The following CLSTN1 variants were observed in gnomAD, a reference collection of about 807,000 sequenced individuals.
CLSTN1 encodes the protein calsyntenin 1.
A neutral mutation model predicts 108.3 loss-of-function variants in CLSTN1; 28 were observed. The observed-to-expected ratio is 0.26, with a 90% CI of 0.19 to 0.35. CLSTN1 has a LOEUF of 0.35. Among genes scored for constraint, CLSTN1 ranks in the 10% least tolerant of loss-of-function variants. The pLI is 1.00. For missense variants in CLSTN1, 1,157 were observed against 1,302.6 expected, an observed-to-expected ratio of 0.89 and a Z score of 1.72; for synonymous variants, 524 against 534.9, an observed-to-expected ratio of 0.98 and a Z score of 0.28.
chr1:9,759,159 T>C (rs971516941), intron 2 of CLSTN1, among the ~76,000 whole-genome samples: 13 of 152,168 alleles, frequency 8.5e-5, no homozygotes, highest in African/African-American at 3.1e-4. Flanking sequence ...CAAACTGCCG[T>C]TTCCAGAAAG....
intron 1 of CLSTN1, among the ~76,000 whole-genome samples, chr1:9,781,493 G>T (rs1229241398): frequency 1.3e-5 from 2 of 151,632 alleles, no homozygotes; most frequent in African/African-American, 4.8e-5. Flanking sequence ...ACCCAGGCTG[G>T]AGTGTAGTGG....
chr1:9,758,375 A>G, intron 2 of CLSTN1, among the ~76,000 whole-genome samples: 1 of 151,706 alleles, frequency 6.6e-6, no homozygotes, highest in Non-Finnish European at 1.5e-5. Flanking sequence ...GTACAGTGGT[A>G]GCATCTCAGC....
intron 1 of CLSTN1, among the ~76,000 whole-genome samples, chr1:9,795,124 C>T (rs1254304228): frequency 1.3e-5 from 2 of 150,150 alleles, no homozygotes; most frequent in East Asian, 2.0e-4. Context: ...AAGAGTAATG[C>T]TTTTACATAG....
chr1:9,739,982 A>G (rs373848923), intron 10 of CLSTN1, among the ~76,000 whole-genome samples: 1 of 151,814 alleles, frequency 6.6e-6, no homozygotes, highest in African/African-American at 2.4e-5. Context: ...ATGCCTGGCT[A>G]ATTTTTTGTA....
intron 1 of CLSTN1, among the ~76,000 whole-genome samples, chr1:9,815,554 G>A (rs1203719173): frequency 1.3e-5 from 2 of 152,156 alleles, no homozygotes; most frequent in African/African-American, 4.8e-5. Context: ...TATTTGATTC[G>A]AAAAATGCTC....
chr1:9,755,313 G>A lies in CLSTN1; in HGVS notation c.245-4C>T, dbSNP rs765226843. ...ATTTTAAATCCACAAATCTCACCTA[G>A]GGAGTCAAAGCAGAACAGGTAAGAA... On this transcript the variant is annotated splice_polypyrimidine_tract_variant and splice_region_variant and intron_variant, in intron 3 of 18. Coordinates refer to ENST00000377298, the MANE Select transcript of CLSTN1 (RefSeq NM_001009566.3). 1.2e-6 allele frequency: 2 copies of A among 1,607,592 alleles called. No individual in the cohort carries two copies. Among genetic ancestry groups the A allele is most frequent in the South Asian group, 1.1e-5 (1 of 90,696 alleles).
intron 2 of CLSTN1, among the ~76,000 whole-genome samples, chr1:9,769,812 G>A (rs530949882): frequency 4.6e-5 from 7 of 152,158 alleles, no homozygotes; most frequent in Admixed American, 3.9e-4. Flanking sequence ...GGAAGCCGAG[G>A]CAGGCAGATC....
intron 18 of CLSTN1, 144 bp downstream of exon 18, chr1:9,731,062 C>A: frequency 1.0e-6 from 1 of 954,518 alleles, no homozygotes; most frequent in Admixed American, 1.9e-5. Flanking sequence ...TCGGTTTACC[C>A]ACGAAGACAC....
chr1:9,750,148 T>C lies in CLSTN1; in HGVS notation c.650-235A>G, dbSNP rs1570450519. ...CGGAGCTACACAGCTCAGTCTCCAC[T>C]TACTCTCACAGTGTTACATTGGGCT... On this transcript the variant is annotated intron_variant, in intron 5 of 18. Transcript: ENST00000377298. 5.1e-5 allele frequency: 23 copies of C among 448,718 alleles called. 2 individuals are homozygous for C. The South Asian group carries it at 6.3e-4, about 12-fold the overall frequency. The allele number at this position is 448,718 out of a possible 1,614,324, so 27.8% of individuals were successfully genotyped here.
At chr1:9,743,789 C>A (rs1005236368) in intron 9 of CLSTN1, 95 bp downstream of exon 9, 36 of 1,444,458 alleles carry the variant, frequency 2.5e-5, no homozygotes, top group African/African-American at 1.7e-4. Context: ...AACCCCTGGG[C>A]TCAAGCAATC....
chr1:9,790,427 G>C (rs534997353), intron 1 of CLSTN1, among the ~76,000 whole-genome samples: 1 of 150,100 alleles, frequency 6.7e-6, no homozygotes, highest in South Asian at 2.3e-4. Flanking sequence ...ATTGATTGGT[G>C]AATTATTGAC....
rs1425399431 is a variant in CLSTN1 at position 9,802,615 on chromosome 1, T to C, written c.91+21028A>G. On this transcript the variant is annotated intron_variant, in intron 1 of 18. Transcript: ENST00000377298. ...TATGCTTTCTGAATATTTTCTATTA[T>C]AGGGAAACAGGGTTAAAGACACCCC... 3.9e-5 allele frequency among the ~76,000 whole-genome samples: 6 copies of C among 152,128 alleles called. No individual in the cohort carries two copies. In the East Asian group the frequency reaches 1.2e-3, roughly 29 times the overall value.
Position 9,816,581 on chromosome 1 carries a change from TTTTG to T in CLSTN1, c.91+7058_91+7061del, listed in dbSNP as rs1194595294. Reference sequence around the variant, plus strand: ...AGTGGATGCAGAAAAAGGTGGGTTTTTTTGTTTGTTTGTTTGAGACAAAGTCTTG... The same window carrying T: ...AGTGGATGCAGAAAAAGGTGGGTTTTTTTGTTTGTTTGAGACAAAGTCTTG... On this transcript the variant is annotated intron_variant, in intron 1 of 18. Coordinates refer to ENST00000377298, the MANE Select transcript of CLSTN1 (RefSeq NM_001009566.3). Among the ~76,000 whole-genome samples, 116 of 15,056 alleles carry T rather than the reference TTTTG, an allele frequency of 7.7e-3. No individual in the cohort carries two copies. The South Asian group carries it at 0.17, about 22-fold the overall frequency. 9.9% of individuals were successfully genotyped at this position (15,056 alleles called of 152,430 possible).
intron 2 of CLSTN1, among the ~76,000 whole-genome samples, chr1:9,757,944 C>T (rs1467831850): frequency 6.8e-6 from 1 of 147,242 alleles, no homozygotes; most frequent in Non-Finnish European, 1.5e-5. Context: ...TTTCATTTTG[C>T]TTGGTTTTAA....
intron 7 of CLSTN1, among the ~76,000 whole-genome samples, chr1:9,746,770 T>C (rs2101100332): frequency 6.6e-6 from 1 of 151,786 alleles, no homozygotes; most frequent in East Asian, 1.9e-4. Flanking sequence ...ATATGTGGGC[T>C]TGGGCAAGCT....
chr1:9,731,307 G>A lies in CLSTN1; in HGVS notation c.2647C>T (p.Arg883Trp), dbSNP rs781753617. 11 of 1,614,126 alleles carry A rather than the reference G, an allele frequency of 6.8e-6. No homozygotes were observed. In the East Asian group the frequency reaches 8.9e-5, roughly 13 times the overall value. ...FMIILGVFRI[R>W]AAHRRTMRDQ... The stretch of plus-strand genomic sequence containing the variant: ...CGCATGGTCCGCCGATGTGCGGCCC[G>A]GATCCGAAATACCCCCAGGATAATC... Residue 883 changes from arginine (R) to tryptophan (W), a missense_variant, in exon 18 of 19, where the codon CGG (arginine) becomes TGG (tryptophan). Physicochemically the swap from Arg to Trp is moderately radical, Grantham distance 101. Transcript: ENST00000377298.
At chr1:9,820,030 CT>C (rs879705237) in intron 1 of CLSTN1, among the ~76,000 whole-genome samples, 3,772 of 141,902 alleles carry the variant, frequency 0.027, 47 homozygotes, top group Non-Finnish European at 0.039. Flanking sequence ...GATCCTTGAA[CT>C]TTTTTTTTTT....
chr1:9,732,190 C>T (rs1238707931), intron 16 of CLSTN1, among the ~76,000 whole-genome samples: 3 of 152,106 alleles, frequency 2.0e-5, no homozygotes, highest in African/African-American at 7.2e-5. Context: ...CACTTTTCTA[C>T]TTATTAGTAT....
chr1:9,757,231 T>C (rs1036215753), intron 2 of CLSTN1, among the ~76,000 whole-genome samples: 1 of 151,640 alleles, frequency 6.6e-6, no homozygotes, highest in Non-Finnish European at 1.5e-5. Flanking sequence ...GAAACAAAAA[T>C]TTGGAGCAAA....
Sources: gnomAD v4.1 joint callset for allele counts (sites outside exome capture counted in the v4.1 genomes callset) on GRCh38, gnomAD v4.1.1 for gene constraint, MANE v1.5 for transcripts, NCBI Gene and HGNC (gene_info 2026-07-23, HGNC 2026-07-21) for gene names.